ZNF236: variants seen among roughly 807,000 people sequenced by gnomAD.
ZNF236 encodes the protein regulated by glucose.
In ZNF236, 50 loss-of-function variants were observed where a neutral mutation model predicts 191.2. The observed-to-expected ratio is 0.26, with a 90% confidence interval of 0.21 to 0.33. ZNF236 has a LOEUF of 0.33. Ranked by LOEUF, ZNF236 falls within the 10% of genes least tolerant of loss-of-function variation. The pLI, the probability that ZNF236 is intolerant of heterozygous loss-of-function variation, is 1.00. For synonymous variants in ZNF236, 907 were observed against 928.8 expected, an observed-to-expected ratio of 0.98 and a Z score of 0.43; for missense variants, 1,754 against 2,374.5, an observed-to-expected ratio of 0.74 and a Z score of 5.43.
chr18:76,864,030 T>G (rs561493104), intron 3 of ZNF236, among the ~76,000 whole-genome samples: 2 of 152,230 alleles, frequency 1.3e-5, no homozygotes, highest in Non-Finnish European at 2.9e-5. Flanking sequence ...AAGACCTGAA[T>G]AGAATGAAAA....
chr18:76,922,769 C>G (rs1030296923), intron 20 of ZNF236, among the ~76,000 whole-genome samples: 2 of 152,116 alleles, frequency 1.3e-5, no homozygotes, highest in African/African-American at 4.8e-5. Flanking sequence ...GTTGGCCAGT[C>G]TGGTCTCGAA....
intron 28 of ZNF236, among the ~76,000 whole-genome samples, chr18:76,958,258 C>T (rs1968571199): frequency 6.6e-6 from 1 of 152,222 alleles, no homozygotes; most frequent in Non-Finnish European, 1.5e-5. Context: ...TTGCCATTGT[C>T]TCAGAGAGCA....
intron 15 of ZNF236, 123 bp from the exon 16 acceptor site, chr18:76,910,537 C>G: frequency 1.0e-6 from 1 of 985,166 alleles, no homozygotes; most frequent in Non-Finnish European, 1.5e-6. Context: ...GCAGCTAGTC[C>G]TAATTCTAAT....
At position 76,871,797 on chromosome 18, in the gene ZNF236, G is replaced by A. The variant is rs542227743; in HGVS notation, c.639G>A (p.Gln213=). The change falls in exon 5 of 31, where the codon CAG becomes CAA. Residue 213 remains glutamine (Q), a synonymous_variant. Transcript: ENST00000320610. ...GAAAGACGTTTCAAAAGCCAAGCCA[G>A]TTAACGCGACACATTAGGATACACA... The part of the protein sequence containing the change: ...HCGKTFQKPS[Q]LTRHIRIHTG... 9.2e-4 allele frequency: 1,492 copies of A among 1,614,226 alleles called. 24 individuals carry two copies. The South Asian group carries it at 0.015, about 17-fold the overall frequency.
rs3833867 is a variant in ZNF236, at chr18:76,968,933, CAA to C, written c.*596_*597del. Reference sequence around the variant, plus strand: ...ATGGCTGGACCAATTCTCTCCATGACAAATGTTTAATCATTAGTTACAAGAAT... The same window carrying C: ...ATGGCTGGACCAATTCTCTCCATGACATGTTTAATCATTAGTTACAAGAAT... On this transcript the variant is annotated 3_prime_UTR_variant, in exon 31 of 31. Transcript: ENST00000320610. The C allele has an allele frequency of 0.41, 403,665 of 985,062 alleles. 87,108 individuals carry two copies. Among genetic ancestry groups the C allele is most frequent in the Non-Finnish European group, 0.44 (366,973 of 829,410 alleles). 61.0% of individuals were successfully genotyped at this position (985,062 alleles called of 1,614,324 possible).
intron 9 of ZNF236, among the ~76,000 whole-genome samples, chr18:76,882,187 GCC>G (rs564213513): frequency 1.4e-4 from 22 of 152,210 alleles, no homozygotes; most frequent in Non-Finnish European, 2.8e-4. Flanking sequence ...CAGCAAGGAT[GCC>G]TTCCTTCTAC....
chr18:76,924,149 G>T (rs1006783502), intron 21 of ZNF236, among the ~76,000 whole-genome samples: 2 of 152,140 alleles, frequency 1.3e-5, no homozygotes, highest in Non-Finnish European at 2.9e-5. Flanking sequence ...TTTTTCTGTT[G>T]TTTCATTAGG....
intron 4 of ZNF236, 123 bp from the exon 5 acceptor site, chr18:76,871,578 G>C: frequency 9.7e-7 from 1 of 1,032,538 alleles, no homozygotes; most frequent in Non-Finnish European, 1.5e-6. Flanking sequence ...ATATGTGATT[G>C]ATTTATCATT....
chr18:76,892,079 G>A (rs1434203966), intron 9 of ZNF236, among the ~76,000 whole-genome samples: 9 of 141,808 alleles, frequency 6.3e-5, no homozygotes, highest in Admixed American at 3.6e-4. Context: ...TGATGTCTTT[G>A]TAACTTACAG....
intron 25 of ZNF236, among the ~76,000 whole-genome samples, chr18:76,928,791 C>T (rs1021005300): frequency 6.6e-6 from 1 of 151,908 alleles, no homozygotes; most frequent in Non-Finnish European, 1.5e-5. Flanking sequence ...GTGCTTTGCT[C>T]ACGTGACTCT....
intron 26 of ZNF236, among the ~76,000 whole-genome samples, chr18:76,939,393 G>A (rs142936290): frequency 6.6e-6 from 1 of 152,274 alleles, no homozygotes; most frequent in East Asian, 1.9e-4. Context: ...ACTGGGGTGT[G>A]CTTTCCTAGA....
chr18:76,899,088 T>C lies in ZNF236; in HGVS notation c.1760T>C (p.Ile587Thr), dbSNP rs754229531. 6.2e-7 allele frequency: 1 copy of C among 1,614,162 alleles called. No individual in the cohort carries two copies. Among genetic ancestry groups the C allele is most frequent in the Non-Finnish European group, 8.5e-7 (1 of 1,180,010 alleles). Residue 587 changes from isoleucine to threonine, a missense_variant, in exon 11 of 31, where the codon ATT becomes ACT. By Grantham distance (89) the Ile-to-Thr change is moderately conservative. Around this residue, in one of 5 missense-constraint regions of ZNF236, gnomAD observed 641 missense variants for 869.6 expected, o/e 0.74. Coordinates refer to ENST00000320610, the MANE Select transcript of ZNF236 (RefSeq NM_001306089.2). ...ACCTCAGGCCATAGGAAGACTCACA[T>C]TGCTTCCCACTTTAAACATACGGAA... Reference protein sequence around the residue: ...FRTSGHRKTHIASHFKHTELR... With the variant: ...FRTSGHRKTHTASHFKHTELR...
intron 1 of ZNF236, among the ~76,000 whole-genome samples, chr18:76,828,690 G>C (rs1234440906): frequency 6.6e-6 from 1 of 151,840 alleles, no homozygotes; most frequent in Non-Finnish European, 1.5e-5. Context: ...TTTTGGAGAC[G>C]GAGTCTCGCT....
At chr18:76,834,960 A>T in intron 1 of ZNF236, 1 of 164,610 alleles carries the variant, frequency 6.1e-6, no homozygotes, top group Non-Finnish European at 1.3e-5. Flanking sequence ...CCGGTTCTGT[A>T]CCTACATTTT....
intron 3 of ZNF236, among the ~76,000 whole-genome samples, chr18:76,857,481 T>C (rs191114137): frequency 2.0e-5 from 3 of 152,342 alleles, no homozygotes; most frequent in Admixed American, 2.0e-4. Context: ...CCCATTCTTA[T>C]GATTCCAGGC....
intron 3 of ZNF236, among the ~76,000 whole-genome samples, chr18:76,855,720 C>T (rs985321535): frequency 1.3e-5 from 2 of 151,956 alleles, no homozygotes; most frequent in Non-Finnish European, 2.9e-5. Flanking sequence ...GTGTGGTATC[C>T]CAGAGGACAT....
In ZNF236 at chr18:76,972,096, C is replaced by T. The variant is rs1391392047; in HGVS notation, c.*3757C>T. On this transcript the variant is annotated 3_prime_UTR_variant, in exon 31 of 31. Coordinates refer to ENST00000320610, the MANE Select transcript of ZNF236 (RefSeq NM_001306089.2). ...TTAATCTGTGTTCACGTAACTTAGG[C>T]ACTTTGGATTTTTTAGAATGAAATT... is the stretch of plus-strand genomic sequence containing the variant. Among the ~76,000 whole-genome samples the T allele has an allele frequency of 6.6e-6, 1 of 152,226 alleles. No individual in the cohort carries two copies. Among genetic ancestry groups the T allele is most frequent in the Non-Finnish European group, 1.5e-5 (1 of 68,036 alleles).
chr18:76,912,133 T>C (rs1967232531), intron 16 of ZNF236, 111 bp from the exon 17 acceptor site: 1 of 768,708 alleles, frequency 1.3e-6, no homozygotes, highest in East Asian at 2.7e-5. Context: ...TTTCTCTCTC[T>C]TAGATCCACA....
intron 20 of ZNF236, among the ~76,000 whole-genome samples, chr18:76,920,823 A>G (rs1448218532): frequency 6.6e-6 from 1 of 152,140 alleles, no homozygotes; most frequent in Non-Finnish European, 1.5e-5. Context: ...GAGCAGAACC[A>G]TGAAGAATCT....
Sources: allele counts gnomAD v4.1 joint callset (sites outside exome capture counted in the v4.1 genomes callset), GRCh38; gene constraint gnomAD v4.1.1; regional missense constraint gnomAD v4.1.1; transcripts MANE v1.5; gene names NCBI Gene and HGNC (gene_info 2026-07-23, HGNC 2026-07-21).